The following CENPE variants were observed in gnomAD, a reference collection of about 807,000 sequenced individuals.
CENPE encodes the protein centromere protein E, also known as centromere-associated protein E.
CENPE carries 145 observed loss-of-function variants against 336.1 expected under a neutral mutation model. That is an observed-to-expected ratio of 0.43 (90% CI 0.38 to 0.50). The LOEUF (loss-of-function observed/expected upper bound fraction) is 0.50. Among genes scored for constraint, CENPE ranks in the 20% least tolerant of loss-of-function variants. The probability of loss-of-function intolerance (pLI) is 0.00; values close to 1 mark genes in which losing one functional copy is unlikely to be tolerated. For missense variants in CENPE, 2,719 were observed against 3,023.3 expected (o/e 0.90, Z 2.36); for synonymous variants, 1,013 against 984.8 (o/e 1.03, Z -0.54).
intron 44 of CENPE, among the ~76,000 whole-genome samples, chr4:103,118,520 A>C (rs545812263): frequency 6.6e-6 from 1 of 152,202 alleles, no homozygotes; most frequent in Non-Finnish European, 1.5e-5. Context: ...TGTAAAGCAG[A>C]AGTTTAAGTC....
At chr4:103,137,178 T>TA (rs2125909218) in intron 39 of CENPE, among the ~76,000 whole-genome samples, 1 of 140,728 alleles carries the variant, frequency 7.1e-6, no homozygotes, top group East Asian at 2.0e-4. Context: ...GGGCAACTGC[T>TA]AAACTTCCTT....
intron 8 of CENPE, 113 bp downstream of exon 8, chr4:103,194,116 T>G: frequency 1.3e-6 from 1 of 742,502 alleles, no homozygotes. Context: ...AATTTGTAGA[T>G]TTCCTCCCAC....
Position 103,126,965 on chromosome 4 carries a change from G to A in CENPE, c.6925-3876C>T, listed in dbSNP as rs114664926. ...AAAAGGTGTAATGTATACATAATGG[G>A]AATACCAGAAGGTGAACAGAAAAAG... On this transcript the variant is annotated intron_variant, in intron 42 of 48. Transcript: ENST00000265148. Among the ~76,000 whole-genome samples, 187 of 151,766 alleles carry A rather than the reference G, an allele frequency of 1.2e-3. 1 individual carries two copies. Among genetic ancestry groups the A allele is most frequent in the African/African-American group, 4.3e-3 (179 of 41,414 alleles).
intron 26 of CENPE, 66 bp from the exon 27 acceptor site, chr4:103,149,474 T>A: frequency 7.3e-7 from 1 of 1,376,128 alleles, no homozygotes; most frequent in Non-Finnish European, 9.7e-7. Flanking sequence ...CACAAAATCA[T>A]TAACAGCCTT....
At position 103,123,045 on chromosome 4, in the gene CENPE, G is replaced by T; in HGVS notation, c.6969C>A (p.Thr2323=). 6.2e-7 allele frequency: 1 copy of T among 1,613,794 alleles called. No individual in the cohort carries two copies. The highest frequency in any genetic ancestry group is 8.5e-7 in the Non-Finnish European group (1 of 1,179,824). ...ESTEFEERSA[T]ISKEWEQDLK... ...GGTCCTGTTCCCACTCTTTGGATAT[G>T]GTAGCACTTCTTTCCTCAAACTCTG... The change falls in exon 43 of 49, where the codon ACC becomes ACA. Residue 2323 remains threonine (T), a synonymous_variant. Coordinates refer to ENST00000265148, the MANE Select transcript of CENPE (RefSeq NM_001813.3).
intron 42 of CENPE, among the ~76,000 whole-genome samples, 192 bp downstream of exon 42, chr4:103,132,501 T>G (rs1751675531): frequency 6.6e-6 from 1 of 152,158 alleles, no homozygotes; most frequent in South Asian, 2.1e-4. Context: ...TACAACAAGA[T>G]TTCGTTACCT....
chr4:103,154,720 A>G (rs1430271656), intron 24 of CENPE, among the ~76,000 whole-genome samples: 1 of 152,244 alleles, frequency 6.6e-6, no homozygotes, highest in Non-Finnish European at 1.5e-5. Context: ...AGTTATGAAT[A>G]AAATCTAATA....
At position 103,108,818 on chromosome 4, in the gene CENPE, A is replaced by T; in HGVS notation, c.7996T>A (p.Leu2666Ile). ...HPVRYFDNSSLGLCPEVQNAG... is the reference protein window; with the variant it reads ...HPVRYFDNSSIGLCPEVQNAG... ...ATTTACTTACCTGGACAAAGGCCTA[A>T]ACTTGAGTTATCAAAATAGCGAACT... The change falls in exon 48 of 49, where the codon TTA becomes ATA. Residue 2666 changes from leucine to isoleucine, a missense_variant. Physicochemically the swap from Leu to Ile is conservative, Grantham distance 5. This residue lies in a region of CENPE where 2,437 missense variants were observed against 2,513.3 expected (regional missense o/e 0.97). Transcript: ENST00000265148. 2 of 1,613,618 alleles carry T rather than the reference A, an allele frequency of 1.2e-6. No individual in the cohort carries two copies. The highest frequency in any genetic ancestry group is 1.7e-6 in the Non-Finnish European group (2 of 1,179,706).
Position 103,145,564 on chromosome 4 carries a change from G to C in CENPE, c.4531C>G (p.Gln1511Glu). Reference protein sequence around the residue: ...SEKETEISTIQKQLEAINDKL... With the variant: ...SEKETEISTIEKQLEAINDKL... ...TCATTGATTGCTTCTAACTGCTTTT[G>C]AATGGTTGATATTTCAGTTTCCTTC... Residue 1511 changes from glutamine to glutamate, a missense_variant, in exon 31 of 49, where the codon CAA becomes GAA. By Grantham distance (29) the Gln-to-Glu change is conservative. Around this residue, in one of 5 missense-constraint regions of CENPE, gnomAD observed 2,437 missense variants for 2,513.3 expected, o/e 0.97. Coordinates refer to ENST00000265148, the MANE Select transcript of CENPE (RefSeq NM_001813.3). 6.2e-7 allele frequency: 1 copy of C among 1,608,356 alleles called. No individual in the cohort carries two copies. Among genetic ancestry groups the C allele is most frequent in the Non-Finnish European group, 8.5e-7 (1 of 1,177,892 alleles).
chr4:103,172,967 A>G (rs1484331583), intron 16 of CENPE, among the ~76,000 whole-genome samples: 1 of 152,068 alleles, frequency 6.6e-6, no homozygotes, highest in Admixed American at 6.6e-5. Flanking sequence ...GATATCTATC[A>G]AAACACCAAA....
At position 103,196,842 on chromosome 4, in the gene CENPE, G is replaced by A. The variant is rs11552738; in HGVS notation, c.65C>T (p.Ser22Leu). Residue 22 changes from serine to leucine, a missense_variant, in exon 2 of 49, where the codon TCA (serine) becomes TTA (leucine). Physicochemically the swap from Ser to Leu is moderately radical, Grantham distance 145. This residue lies in a region of CENPE where 48 missense variants were observed against 50.8 expected (regional missense o/e 0.94). Coordinates refer to ENST00000265148, the MANE Select transcript of CENPE (RefSeq NM_001813.3). Reference sequence around the variant, plus strand: ...GTAAACTTGGGCAGTTTCTCCAAGTGATTCTTCTCTAAAAGAATAAAAACA... The same window carrying A: ...GTAAACTTGGGCAGTTTCTCCAAGTAATTCTTCTCTAAAAGAATAAAAACA... ...RVRPLNSREESLGETAQVYWK... is the reference protein window; with the variant it reads ...RVRPLNSREELLGETAQVYWK... 2.0e-6 allele frequency: 3 copies of A among 1,534,146 alleles called. No individual in the cohort carries two copies. The South Asian group carries it at 3.4e-5, about 17-fold the overall frequency.
At chr4:103,177,672 A>G (rs1406854273) in intron 13 of CENPE, among the ~76,000 whole-genome samples, 1 of 151,912 alleles carries the variant, frequency 6.6e-6, no homozygotes, top group Non-Finnish European at 1.5e-5. Context: ...CCCATTGTCT[A>G]TTACTTCAGA....
chr4:103,167,563 A>G (rs1755026668), intron 16 of CENPE, among the ~76,000 whole-genome samples: 1 of 152,170 alleles, frequency 6.6e-6, no homozygotes, highest in Non-Finnish European at 1.5e-5. Flanking sequence ...AGATGACAGA[A>G]TAGGAGGTCA....
At chr4:103,152,053 C>T (rs1411548311) in intron 25 of CENPE, among the ~76,000 whole-genome samples, 1 of 151,932 alleles carries the variant, frequency 6.6e-6, no homozygotes, top group Non-Finnish European at 1.5e-5. Context: ...TGTATCACCC[C>T]TAAACATAGA....
chr4:103,188,832 C>CA (rs547870879), intron 8 of CENPE, among the ~76,000 whole-genome samples: 127 of 152,130 alleles, frequency 8.3e-4, no homozygotes, highest in African/African-American at 2.6e-3. Context: ...AAAAACCCTT[C>CA]AAAAAATCAA....
chr4:103,174,746 T>C lies in CENPE; in HGVS notation c.1637A>G (p.Lys546Arg), dbSNP rs757766366. The C allele has an allele frequency of 2.0e-6, 3 of 1,522,826 alleles. No homozygotes were observed. Among genetic ancestry groups the C allele is most frequent in the Non-Finnish European group, 2.6e-6 (3 of 1,137,376 alleles). 94.3% of individuals were successfully genotyped at this position (1,522,826 alleles called of 1,614,324 possible). ...TTCTGTCTCTCTTACCTCTTGATCT[T>C]TTTTAGTTTTTCTTTCTAGAGCCTC... is the stretch of plus-strand genomic sequence containing the variant. ...EFEALERKTK[K>R]DQEMQLIHEI... Residue 546 changes from lysine to arginine, a missense_variant, in exon 16 of 49, where the codon AAA becomes AGA. By Grantham distance (26) the Lys-to-Arg change is conservative. Around this residue, in one of 5 missense-constraint regions of CENPE, gnomAD observed 2,437 missense variants for 2,513.3 expected, o/e 0.97. Transcript: ENST00000265148.
At chr4:103,185,741 TG>T in intron 9 of CENPE, 68 bp downstream of exon 9, 1 of 939,470 alleles carries the variant, frequency 1.1e-6, no homozygotes, top group Admixed American at 2.4e-5. Context: ...TAAAAATGCC[TG>T]GTAGTACTTT....
At chr4:103,129,459 C>G (rs1751397087) in intron 42 of CENPE, among the ~76,000 whole-genome samples, 1 of 152,084 alleles carries the variant, frequency 6.6e-6, no homozygotes, top group African/African-American at 2.4e-5. Context: ...GATGTAAAAG[C>G]TGGGTGCGGT....
At chr4:103,186,144 C>T (rs574084210) in intron 8 of CENPE, among the ~76,000 whole-genome samples, 14 of 152,272 alleles carry the variant, frequency 9.2e-5, no homozygotes, top group African/African-American at 3.4e-4. Context: ...CTGGCACTTG[C>T]ACTGCTCCAA....
Sources: allele counts gnomAD v4.1 joint callset (sites outside exome capture counted in the v4.1 genomes callset), GRCh38; gene constraint gnomAD v4.1.1; regional missense constraint gnomAD v4.1.1; transcripts MANE v1.5; gene names NCBI Gene and HGNC (gene_info 2026-07-23, HGNC 2026-07-21).